CDH12: variants seen among roughly 807,000 people sequenced by gnomAD.
CDH12 encodes the protein cadherin 12.
A neutral mutation model predicts 74.1 loss-of-function variants in CDH12; 41 were observed. The ratio of observed to expected loss-of-function variants is 0.55; its 90% CI spans 0.43 to 0.72. CDH12 has a LOEUF of 0.72. Ranked by LOEUF, CDH12 falls within the 30% of genes least tolerant of loss-of-function variation. The pLI, the probability that CDH12 is intolerant of heterozygous loss-of-function variation, is 0.00. For missense variants in CDH12, 945 were observed against 977.2 expected, an observed-to-expected ratio of 0.97 and a Z score of 0.44; for synonymous variants, 399 against 355.0, an observed-to-expected ratio of 1.12 and a Z score of -1.39.
chr5:22,134,060 A>G (rs927399895), intron 4 of CDH12, among the ~76,000 whole-genome samples: 5 of 152,122 alleles, frequency 3.3e-5, no homozygotes, highest in Admixed American at 3.3e-4. Context: ...AACAGTACCC[A>G]AGATGCTTCA....
intron 1 of CDH12, among the ~76,000 whole-genome samples, chr5:22,666,624 T>G (rs1034718362): frequency 3.3e-5 from 5 of 152,056 alleles, no homozygotes; most frequent in Non-Finnish European, 5.9e-5. Flanking sequence ...TTAGCTAACA[T>G]CAACCATTTT....
intron 6 of CDH12, among the ~76,000 whole-genome samples, chr5:21,921,542 C>A (rs1334556382): frequency 6.6e-6 from 1 of 152,146 alleles, no homozygotes; most frequent in East Asian, 1.9e-4. Flanking sequence ...AGACCATTAC[C>A]ATCCCATCTG....
chr5:22,430,077 C>A (rs1223124023), intron 2 of CDH12, among the ~76,000 whole-genome samples: 1 of 152,010 alleles, frequency 6.6e-6, no homozygotes, highest in African/African-American at 2.4e-5. Flanking sequence ...TTTATATACC[C>A]CCTAAGATAC....
chr5:22,178,802 T>TGA (rs1321705646), intron 4 of CDH12, among the ~76,000 whole-genome samples: 1 of 152,242 alleles, frequency 6.6e-6, no homozygotes, highest in African/African-American at 2.4e-5. Flanking sequence ...GGCATCTTTA[T>TGA]GAGTCTGGAA....
At chr5:22,188,157 G>C (rs974435727) in intron 4 of CDH12, among the ~76,000 whole-genome samples, 1 of 151,546 alleles carries the variant, frequency 6.6e-6, no homozygotes, top group African/African-American at 2.4e-5. Context: ...CCTGATGGAT[G>C]GCTTGGTGCT....
chr5:22,520,213 T>G (rs1252086920), intron 1 of CDH12, among the ~76,000 whole-genome samples: 2 of 152,116 alleles, frequency 1.3e-5, no homozygotes, highest in South Asian at 4.1e-4. Flanking sequence ...TGAATAGTGA[T>G]TGTTATTTAT....
intron 3 of CDH12, among the ~76,000 whole-genome samples, chr5:22,250,440 G>A (rs893090811): frequency 6.6e-6 from 1 of 152,088 alleles, no homozygotes; most frequent in Admixed American, 6.6e-5. Context: ...ATCCCTACAG[G>A]TGGATGCTGC....
Position 22,177,729 on chromosome 5 carries a change from C to T in CDH12, c.-187+34769G>A, listed in dbSNP as rs181448500. ...TGAGGAGAGCCACCCACCTATCACA[C>T]CATCAAACACTTATATAGACACACA... On this transcript the variant is annotated intron_variant, in intron 4 of 14. Transcript: ENST00000382254. Among the ~76,000 whole-genome samples the T allele has an allele frequency of 4.4e-3, 676 of 152,150 alleles. 5 individuals are homozygous for T. The highest frequency in any genetic ancestry group is 0.015 in the African/African-American group (635 of 41,524).
chr5:22,789,033 G>GTAT (rs1470712081), intron 1 of CDH12, among the ~76,000 whole-genome samples: 1 of 151,924 alleles, frequency 6.6e-6, no homozygotes, highest in Non-Finnish European at 1.5e-5. Flanking sequence ...AAATCAATAA[G>GTAT]TATTAGTCAA....
intron 3 of CDH12, among the ~76,000 whole-genome samples, chr5:22,358,790 G>T (rs1052388290): frequency 2.0e-5 from 3 of 152,096 alleles, no homozygotes; most frequent in African/African-American, 7.2e-5. Context: ...GCTTTGTCAA[G>T]CCAAAAAACA....
At chr5:22,507,261 G>A (rs1323330760) in intron 1 of CDH12, among the ~76,000 whole-genome samples, 2 of 151,908 alleles carry the variant, frequency 1.3e-5, no homozygotes, top group Non-Finnish European at 2.9e-5. Flanking sequence ...TTCTATTGAG[G>A]CAACCTATTA....
At chr5:21,856,041 G>T (rs1018877815) in intron 6 of CDH12, among the ~76,000 whole-genome samples, 1 of 151,622 alleles carries the variant, frequency 6.6e-6, no homozygotes, top group Non-Finnish European at 1.5e-5. Flanking sequence ...CCCAAGAAAA[G>T]AAACTTTTAG....
At chr5:22,054,149 A>G (rs1301735595) in intron 5 of CDH12, among the ~76,000 whole-genome samples, 4 of 152,042 alleles carry the variant, frequency 2.6e-5, no homozygotes, top group Admixed American at 2.6e-4. Context: ...TTGATTTTTA[A>G]GCTATAATAT....
rs140444903 is a variant in CDH12, at chr5:22,505,318, C to T, written c.-476G>A. The T allele has an allele frequency of 7.3e-5, 72 of 985,020 alleles. No individual in the cohort carries two copies. In the East Asian group the frequency reaches 7.4e-3, roughly 101 times the overall value. The allele number at this position is 985,020 out of a possible 1,614,324, so 61.0% of individuals were successfully genotyped here. ...AAAACTCCCAACTGCTCCTGGGTTC[C>T]AGCTTGTCTATATTTCCCAAAAGAG... On this transcript the variant is annotated 5_prime_UTR_variant, in exon 2 of 15. Coordinates refer to ENST00000382254, the MANE Select transcript of CDH12 (RefSeq NM_004061.5).
chr5:22,481,976 T>A (rs1300476708), intron 2 of CDH12, among the ~76,000 whole-genome samples: 1 of 152,184 alleles, frequency 6.6e-6, no homozygotes, highest in Non-Finnish European at 1.5e-5. Context: ...TGTATTTTAG[T>A]ATATCAATTA....
At chr5:22,756,639 C>CTATCG (rs1745930755) in intron 1 of CDH12, among the ~76,000 whole-genome samples, 1 of 152,150 alleles carries the variant, frequency 6.6e-6, no homozygotes, top group Non-Finnish European at 1.5e-5. Context: ...AAAGCAAAGA[C>CTATCG]TATCGCTAAG....
At chr5:22,664,446 C>A (rs143844808) in intron 1 of CDH12, among the ~76,000 whole-genome samples, 4 of 152,026 alleles carry the variant, frequency 2.6e-5, no homozygotes, top group African/African-American at 9.7e-5. Flanking sequence ...TCAGATCTTG[C>A]GAGAATTCAC....
intron 1 of CDH12, among the ~76,000 whole-genome samples, chr5:22,747,186 G>C (rs1745332865): frequency 1.3e-5 from 2 of 151,998 alleles, no homozygotes. Flanking sequence ...AAGAAAAATG[G>C]TTAAACACTT....
chr5:22,414,743 T>C (rs1221032399), intron 2 of CDH12, among the ~76,000 whole-genome samples: 1 of 151,858 alleles, frequency 6.6e-6, no homozygotes, highest in Non-Finnish European at 1.5e-5. Context: ...ATTATTATAT[T>C]TTAATTATTA....
Sources: allele counts gnomAD v4.1 joint callset (sites outside exome capture counted in the v4.1 genomes callset), GRCh38; gene constraint gnomAD v4.1.1; transcripts MANE v1.5; gene names NCBI Gene and HGNC (gene_info 2026-07-23, HGNC 2026-07-21).